Variants in UBE3C observed in about 807,000 individuals in gnomAD.
UBE3C encodes the protein ubiquitin-protein ligase E3C.
Under a neutral mutation model 129.4 loss-of-function variants are expected in UBE3C, and 42 were observed. The observed-to-expected ratio is 0.32, with a 90% CI of 0.25 to 0.42. The LOEUF is 0.42. Ranked by LOEUF, UBE3C falls within the 10% of genes least tolerant of loss-of-function variation. The pLI is 1.00. For synonymous variants in UBE3C, 510 were observed against 492.4 expected, an observed-to-expected ratio of 1.04 and a Z score of -0.47; for missense variants, 1,049 against 1,319.1, an observed-to-expected ratio of 0.80 and a Z score of 3.17.
Position 157,181,510 on chromosome 7 carries a change from C to A in UBE3C, c.617-8C>A. 6.5e-7 allele frequency: 1 copy of A among 1,547,784 alleles called. No homozygotes were observed. The highest frequency in any genetic ancestry group is 1.2e-5 in the South Asian group (1 of 80,314). ...CACTAAATTTTAAATATGTGTTTTT[C>A]CTTTTAGGGTATTATAGGTCTCTAT... On this transcript the variant is annotated splice_region_variant and splice_polypyrimidine_tract_variant and intron_variant, in intron 6 of 22. Coordinates refer to ENST00000348165, the MANE Select transcript of UBE3C (RefSeq NM_014671.3).
chr7:157,163,115 G>A (rs527604693), intron 1 of UBE3C, among the ~76,000 whole-genome samples: 1 of 152,150 alleles, frequency 6.6e-6, no homozygotes, highest in East Asian at 1.9e-4. Context: ...GCCGGGCGCG[G>A]TGGTTCACGC....
At chr7:157,229,841 G>A (rs1377706381) in intron 17 of UBE3C, among the ~76,000 whole-genome samples, 1 of 152,118 alleles carries the variant, frequency 6.6e-6, no homozygotes, top group Non-Finnish European at 1.5e-5. Context: ...TTGGACTCCT[G>A]GCCTCAGGCA....
intron 10 of UBE3C, among the ~76,000 whole-genome samples, chr7:157,190,473 C>T (rs989255771): frequency 6.6e-6 from 1 of 152,116 alleles, no homozygotes. Flanking sequence ...CCTCGGCTAC[C>T]AAAGCCACAT....
At chr7:157,156,276 C>T (rs35216117) in intron 1 of UBE3C, among the ~76,000 whole-genome samples, 1 of 149,148 alleles carries the variant, frequency 6.7e-6, no homozygotes, top group South Asian at 2.1e-4. Flanking sequence ...GAGCCTTTCA[C>T]CTCCACTCCT....
chr7:157,174,205 T>A (rs1808454034), intron 4 of UBE3C, among the ~76,000 whole-genome samples: 1 of 152,012 alleles, frequency 6.6e-6, no homozygotes, highest in Non-Finnish European at 1.5e-5. Context: ...CTACTAAAAA[T>A]ATAAAAATTA....
In UBE3C at chr7:157,182,097, T is replaced by C. The variant is rs1184692296; in HGVS notation, c.771-11T>C. 6 of 1,548,290 alleles carry C rather than the reference T, an allele frequency of 3.9e-6. No homozygotes were observed. Among genetic ancestry groups the C allele is most frequent in the East Asian group, 4.5e-5 (2 of 44,292 alleles). ...TTGATTTTATAAAAAGCTTCTGTTT[T>C]TCTTTTTCAGGCAACAAGTTTTTAC... On this transcript the variant is annotated splice_polypyrimidine_tract_variant and intron_variant, in intron 7 of 22. Coordinates refer to ENST00000348165, the MANE Select transcript of UBE3C (RefSeq NM_014671.3).
chr7:157,259,296 G>A (rs935974269), intron 22 of UBE3C, among the ~76,000 whole-genome samples: 2 of 152,216 alleles, frequency 1.3e-5, no homozygotes, highest in Non-Finnish European at 2.9e-5. Flanking sequence ...ACCACACGTT[G>A]CATTTAATTG....
At chr7:157,159,017 T>G (rs898048581) in intron 1 of UBE3C, among the ~76,000 whole-genome samples, 8 of 152,182 alleles carry the variant, frequency 5.3e-5, no homozygotes, top group Non-Finnish European at 1.2e-4. Flanking sequence ...ATCAATAGAG[T>G]GTGAAATAAT....
chr7:157,184,889 A>T (rs1212044917), intron 9 of UBE3C, among the ~76,000 whole-genome samples: 1 of 152,174 alleles, frequency 6.6e-6, no homozygotes, highest in African/African-American at 2.4e-5. Flanking sequence ...GGAACAGAAG[A>T]TATTCACTGC....
intron 21 of UBE3C, 92 bp downstream of exon 21, chr7:157,254,402 ATT>A: frequency 5.0e-6 from 3 of 599,316 alleles, no homozygotes; most frequent in Non-Finnish European, 6.9e-6. Flanking sequence ...TAATTTATTT[ATT>A]TTTTTTTTTT....
At chr7:157,260,448 ATC>A (rs764956760) in intron 22 of UBE3C, among the ~76,000 whole-genome samples, 42 of 152,230 alleles carry the variant, frequency 2.8e-4, no homozygotes, top group Admixed American at 7.9e-4. Flanking sequence ...AGATAGGAGA[ATC>A]TCTCGAGCGC....
At position 157,167,305 on chromosome 7, in the gene UBE3C, C is replaced by G. The variant is rs185718865; in HGVS notation, c.121-1743C>G. The stretch of plus-strand genomic sequence containing the variant: ...GACCTGATGGTGTTCTTGAATCCCA[C>G]AGTGTGTGTGTTAGTCTCAGCTTTG... On this transcript the variant is annotated intron_variant, in intron 2 of 22. Coordinates refer to ENST00000348165, the MANE Select transcript of UBE3C (RefSeq NM_014671.3). 6.7e-4 allele frequency among the ~76,000 whole-genome samples: 102 copies of G among 152,242 alleles called. 2 individuals carry two copies. The highest frequency in any genetic ancestry group is 2.4e-3 in the African/African-American group (100 of 41,536).
At chr7:157,139,402 G>GACTCGGGGTTGT in intron 1 of UBE3C, 64 bp downstream of exon 1, 2 of 1,453,726 alleles carry the variant, frequency 1.4e-6, no homozygotes, top group Non-Finnish European at 1.8e-6. Context: ...TCGGGGCTGG[G>GACTCGGGGTTGT]ACTCGGGGCT....
In UBE3C at chr7:157,248,714, C is replaced by A. The variant is rs1211601997; in HGVS notation, c.2694+134C>A. On this transcript the variant is annotated intron_variant, in intron 19 of 22. Coordinates refer to ENST00000348165, the MANE Select transcript of UBE3C (RefSeq NM_014671.3). ...AGAATGACTGTGGCTGTGAGTTAGA[C>A]GTCGAAGCATATAGCTCCAAAGCAC... 32 of 968,164 alleles carry A rather than the reference C, an allele frequency of 3.3e-5. No homozygotes were observed. In the South Asian group the frequency reaches 4.6e-4, roughly 14 times the overall value. 60.0% of individuals were successfully genotyped at this position (968,164 alleles called of 1,614,324 possible).
At chr7:157,235,882 G>A (rs901314405) in intron 18 of UBE3C, among the ~76,000 whole-genome samples, 7 of 152,160 alleles carry the variant, frequency 4.6e-5, no homozygotes, top group African/African-American at 7.2e-5. Flanking sequence ...ACCATTGCTC[G>A]GATCTAAGTA....
chr7:157,243,459 T>C (rs1265811115), intron 18 of UBE3C, among the ~76,000 whole-genome samples: 4 of 152,200 alleles, frequency 2.6e-5, no homozygotes, highest in Non-Finnish European at 5.9e-5. Context: ...TGCTCAGTTA[T>C]CCGTGGTAGA....
intron 11 of UBE3C, among the ~76,000 whole-genome samples, chr7:157,204,062 T>C (rs1175436056): frequency 1.3e-5 from 2 of 152,138 alleles, no homozygotes; most frequent in African/African-American, 4.8e-5. Flanking sequence ...AACAGAATGG[T>C]TTATGGATAC....
chr7:157,247,578 G>C (rs112340031), intron 18 of UBE3C, among the ~76,000 whole-genome samples: 17,758 of 152,188 alleles, frequency 0.12, 1,158 homozygotes, highest in African/African-American at 0.15. Context: ...TGTAATCCCA[G>C]CTACTGGGGA....
At chr7:157,196,728 G>A (rs1185940663) in intron 10 of UBE3C, among the ~76,000 whole-genome samples, 1 of 145,736 alleles carries the variant, frequency 6.9e-6, no homozygotes, top group Non-Finnish European at 1.5e-5. Flanking sequence ...CAGCACTTTG[G>A]GAGTCTGAGG....
Sources: allele counts gnomAD v4.1 joint callset (sites outside exome capture counted in the v4.1 genomes callset), GRCh38; gene constraint gnomAD v4.1.1; transcripts MANE v1.5; gene names NCBI Gene and HGNC (gene_info 2026-07-23, HGNC 2026-07-21).